Variants in MTCH2 observed in about 807,000 individuals in gnomAD.
The protein encoded by MTCH2 is mitochondrial carrier homolog 2.
In MTCH2, 25 loss-of-function variants were observed where a neutral mutation model predicts 50.6. That is an observed-to-expected ratio of 0.49 (90% CI 0.36 to 0.69). The LOEUF (loss-of-function observed/expected upper bound fraction) is 0.69. Among genes scored for constraint, MTCH2 ranks in the 30% least tolerant of loss-of-function variants. MTCH2 has a pLI of 0.00. For synonymous variants in MTCH2, 106 were observed against 132.0 expected (o/e 0.80, Z 1.35); for missense variants, 273 against 384.4 (o/e 0.71, Z 2.42).
chr11:47,622,816 T>A, intron 11 of MTCH2, 40 bp from the exon 12 acceptor site: 1 of 1,005,670 alleles, frequency 9.9e-7, no homozygotes, highest in Non-Finnish European at 1.3e-6. Flanking sequence ...ATGTTAATAT[T>A]AACCATTCTC....
Position 47,634,724 on chromosome 11 carries a change from G to C in MTCH2, c.317C>G (p.Pro106Arg). The change falls in exon 5 of 13, where the codon CCT (proline) becomes CGT (arginine). Residue 106 changes from proline (P) to arginine (R), a missense_variant. Physicochemically the swap from Pro to Arg is moderately radical, Grantham distance 103. Around this residue, in one of 2 missense-constraint regions of MTCH2, gnomAD observed 203 missense variants for 244.3 expected, o/e 0.83. Coordinates refer to ENST00000302503, the MANE Select transcript of MTCH2 (RefSeq NM_014342.4). ...TGAGACTTCTTTCTGTACATTTCCA[G>C]GTCCTAACTCCTGGAAATCAAAATC... ...QESDKGEELG[P>R]GNVQKEVSSS... is the part of the protein sequence containing the mutation. 1 of 1,601,908 alleles carries C rather than the reference G, an allele frequency of 6.2e-7. No homozygotes were observed. Among genetic ancestry groups the C allele is most frequent in the Non-Finnish European group, 8.5e-7 (1 of 1,173,568 alleles).
At chr11:47,619,418 G>A (rs1032151731) in intron 12 of MTCH2, among the ~76,000 whole-genome samples, 2 of 152,062 alleles carry the variant, frequency 1.3e-5, no homozygotes, top group Non-Finnish European at 2.9e-5. Context: ...ACTTTTAGTG[G>A]AGGTGGGGTT....
At chr11:47,638,346 G>A (rs570059594) in intron 3 of MTCH2, among the ~76,000 whole-genome samples, 2 of 142,322 alleles carry the variant, frequency 1.4e-5, no homozygotes, top group African/African-American at 5.3e-5. Flanking sequence ...CGGATCACGA[G>A]GTCAGGATAT....
At chr11:47,607,975 C>T in the MTCH2 span, among the ~76,000 whole-genome samples, 1 of 152,216 alleles carries the variant, frequency 6.6e-6, no homozygotes, top group African/African-American at 2.4e-5. Flanking sequence ...GTGCTCCGAT[C>T]ATCATGCAGA....
chr11:47,642,098 C>G (rs1158948002), intron 1 of MTCH2, among the ~76,000 whole-genome samples: 1 of 152,076 alleles, frequency 6.6e-6, no homozygotes, highest in Non-Finnish European at 1.5e-5. Context: ...GACGAAGAAC[C>G]AAAGTTCAGA....
chr11:47,608,003 T>C, the MTCH2 span, among the ~76,000 whole-genome samples: 1 of 152,212 alleles, frequency 6.6e-6, no homozygotes, highest in Admixed American at 6.6e-5. Context: ...TGGGACGCAA[T>C]GCATGTGCGT....
At chr11:47,628,603 C>T (rs948933413) in intron 9 of MTCH2, among the ~76,000 whole-genome samples, 58 of 151,992 alleles carry the variant, frequency 3.8e-4, no homozygotes, top group Non-Finnish European at 7.4e-4. Context: ...GAAATGGAGT[C>T]TCCTTCTGTC....
the MTCH2 span, among the ~76,000 whole-genome samples, chr11:47,604,525 T>C: frequency 6.6e-6 from 1 of 152,194 alleles, no homozygotes; most frequent in African/African-American, 2.4e-5. Context: ...TGCCCACTTG[T>C]TGGGAATTAC....
At chr11:47,609,877 G>C in the MTCH2 span, among the ~76,000 whole-genome samples, 3 of 152,158 alleles carry the variant, frequency 2.0e-5, no homozygotes, top group Non-Finnish European at 2.9e-5. Flanking sequence ...AAAGGCGACG[G>C]GAAAGAAAGG....
chr11:47,624,485 T>C (rs2097296215), intron 11 of MTCH2, among the ~76,000 whole-genome samples: 2 of 152,040 alleles, frequency 1.3e-5, no homozygotes, highest in Admixed American at 6.6e-5. Flanking sequence ...GTCACTTTCA[T>C]AGAAAAGATA....
At chr11:47,626,543 G>A (rs1326862761) in intron 10 of MTCH2, among the ~76,000 whole-genome samples, 6 of 152,124 alleles carry the variant, frequency 3.9e-5, no homozygotes, top group African/African-American at 1.4e-4. Context: ...CATGCAGGAT[G>A]TGAGGCAGGG....
chr11:47,622,007 C>G (rs2097293744), intron 12 of MTCH2, among the ~76,000 whole-genome samples: 1 of 152,054 alleles, frequency 6.6e-6, no homozygotes, highest in African/African-American at 2.4e-5. Context: ...GTAGCTGGGA[C>G]TATAGGTGCT....
At chr11:47,618,954 T>C in intron 12 of MTCH2, 35 bp from the exon 13 acceptor site, 2 of 1,577,182 alleles carry the variant, frequency 1.3e-6, no homozygotes, top group Non-Finnish European at 1.7e-6. Flanking sequence ...ACAAATAATA[T>C]CTAGCGAGAT....
intron 3 of MTCH2, among the ~76,000 whole-genome samples, chr11:47,637,379 A>G (rs1297282004): frequency 1.3e-5 from 2 of 152,198 alleles, no homozygotes; most frequent in Non-Finnish European, 2.9e-5. Context: ...ACCAATACCA[A>G]ATTAGGGCAA....
intron 1 of MTCH2, among the ~76,000 whole-genome samples, chr11:47,640,672 T>A (rs186913973): frequency 6.6e-6 from 1 of 152,232 alleles, no homozygotes; most frequent in East Asian, 1.9e-4. Context: ...TGTTTCAGGC[T>A]CCCAAAGTGT....
chr11:47,609,133 AAAAAAAAAAAAAAG>A, the MTCH2 span, among the ~76,000 whole-genome samples: 2 of 118,894 alleles, frequency 1.7e-5, no homozygotes, highest in Non-Finnish European at 3.4e-5. Flanking sequence ...TCAAAAAAAA[AAAAAAAAAAAAAAG>A]AAAAAAGAAA....
At chr11:47,628,080 C>T (rs2097299690) in intron 9 of MTCH2, among the ~76,000 whole-genome samples, 2 of 152,114 alleles carry the variant, frequency 1.3e-5, no homozygotes, top group South Asian at 4.1e-4. Flanking sequence ...AAGAAAATCC[C>T]TCTCTGTACT....
intron 5 of MTCH2, 140 bp from the exon 6 acceptor site, chr11:47,631,851 A>G: frequency 1.4e-6 from 1 of 735,024 alleles, no homozygotes; most frequent in South Asian, 1.7e-5. Flanking sequence ...AGTCAAGAAG[A>G]GTTTGAATGG....
At chr11:47,621,380 T>G (rs974939818) in intron 12 of MTCH2, among the ~76,000 whole-genome samples, 1 of 152,116 alleles carries the variant, frequency 6.6e-6, no homozygotes, top group Non-Finnish European at 1.5e-5. Context: ...ATAATCATTT[T>G]AAGTGATCCT....
Sources: gnomAD v4.1 joint callset for allele counts (sites outside exome capture counted in the v4.1 genomes callset) on GRCh38, gnomAD v4.1.1 for gene constraint, gnomAD v4.1.1 regional missense constraint, MANE v1.5 for transcripts, NCBI Gene and HGNC (gene_info 2026-07-23, HGNC 2026-07-21) for gene names.